EFHC2: variants seen among roughly 807,000 people sequenced by gnomAD.
The protein encoded by EFHC2 is EF-hand domain-containing family member C2.
A neutral mutation model predicts 52.7 loss-of-function variants in EFHC2; 18 were observed. The ratio of observed to expected loss-of-function variants is 0.34; its 90% CI spans 0.24 to 0.51. The LOEUF is 0.51. EFHC2 is among the 20% of genes least tolerant of loss of function. EFHC2 has a pLI of 0.97. For synonymous variants in EFHC2, 203 were observed against 204.1 expected, an observed-to-expected ratio of 0.99 and a Z score of 0.04; for missense variants, 513 against 562.5, an observed-to-expected ratio of 0.91 and a Z score of 0.89.
intron 11 of EFHC2, among the ~76,000 whole-genome samples, chrX:44,179,040 TA>T (rs1419692326): frequency 1.9e-5 from 2 of 104,930 alleles, no homozygotes; most frequent in Non-Finnish European, 3.9e-5. Context: ...TAATAAAAAG[TA>T]AAACTGGACA....
At chrX:44,249,446 GT>G (rs377376546) in intron 5 of EFHC2, among the ~76,000 whole-genome samples, 39 of 102,567 alleles carry the variant, frequency 3.8e-4, no homozygotes, top group East Asian at 9.0e-4. Context: ...TGTTTTTTTG[GT>G]TTTTTTTTTT....
chrX:44,242,073 A>C, intron 8 of EFHC2, 48 bp downstream of exon 8: 1 of 1,128,636 alleles, frequency 8.9e-7, no homozygotes, highest in Non-Finnish European at 1.2e-6. Flanking sequence ...TATAAACCCC[A>C]AACACATTTG....
rs190551788 is a variant in EFHC2 at position 44,234,084 on chromosome X, T to C, written c.1423+1221A>G. Among the ~76,000 whole-genome samples the C allele has an allele frequency of 4.5e-5, 5 of 112,042 alleles. No homozygotes were observed. In the Admixed American group the frequency reaches 4.7e-4, roughly 11 times the overall value. ...GCCTCTTCTGGCTCCTTCCACATTT[T>C]CCCTCACCAGCATTCCCCCTATTAA... On this transcript the variant is annotated intron_variant, in intron 9 of 14. Transcript: ENST00000420999.
At chrX:44,196,383 TCTTA>T (rs1165127992) in intron 11 of EFHC2, among the ~76,000 whole-genome samples, 1 of 112,286 alleles carries the variant, frequency 8.9e-6, no homozygotes, top group Non-Finnish European at 1.9e-5. Context: ...CCCTGTTCTT[TCTTA>T]CTTATATTTT....
At position 44,248,876 on chromosome X, in the gene EFHC2, T is replaced by C; in HGVS notation, c.899A>G (p.Asp300Gly). The C allele has an allele frequency of 8.3e-7, 1 of 1,208,847 alleles. No individual in the cohort carries two copies. The highest frequency in any genetic ancestry group is 1.1e-6 in the Non-Finnish European group (1 of 894,300). Residue 300 changes from aspartate to glycine, a missense_variant, in exon 6 of 15, where the codon GAT becomes GGT. Transcript: ENST00000420999. ...ACCATATGAATTGAGAACTGCTCGA[T>C]CTGTTATCTGGCCTGGTTGATAGAC... ...PRVYQPGQITDRAVLNSYGDF... is the reference protein window; with the variant it reads ...PRVYQPGQITGRAVLNSYGDF...
At chrX:44,180,403 G>A (rs1196348846) in intron 11 of EFHC2, among the ~76,000 whole-genome samples, 2 of 112,241 alleles carry the variant, frequency 1.8e-5, no homozygotes, top group African/African-American at 6.5e-5. Flanking sequence ...TCAAGAAACA[G>A]TCATGCCATG....
chrX:44,289,799 A>G (rs1331287943), intron 2 of EFHC2, among the ~76,000 whole-genome samples: 2 of 103,072 alleles, frequency 1.9e-5, no homozygotes, highest in Non-Finnish European at 3.9e-5. Flanking sequence ...CTCCTGCCTC[A>G]GCCTCCCGAA....
intron 11 of EFHC2, among the ~76,000 whole-genome samples, chrX:44,180,719 C>G (rs2036827429): frequency 9.5e-6 from 1 of 104,951 alleles, no homozygotes; most frequent in South Asian, 4.3e-4. Flanking sequence ...GCCTGGGTGA[C>G]AGAGTGAGAC....
intron 11 of EFHC2, among the ~76,000 whole-genome samples, chrX:44,199,281 C>A (rs1276024284): frequency 1.8e-5 from 2 of 113,128 alleles, no homozygotes; most frequent in Non-Finnish European, 3.7e-5. Context: ...AATATGCCAG[C>A]TCCCCACTTT....
chrX:44,240,987 C>G (rs2037355299), intron 8 of EFHC2, among the ~76,000 whole-genome samples: 1 of 112,123 alleles, frequency 8.9e-6, no homozygotes, highest in Non-Finnish European at 1.9e-5. Context: ...ATTTTTACCA[C>G]TTTTATAGAT....
chrX:44,242,364 A>G, intron 7 of EFHC2, 75 bp from the exon 8 acceptor site: 1 of 1,066,805 alleles, frequency 9.4e-7, no homozygotes, highest in South Asian at 2.2e-5. Context: ...AAGGTTTGTT[A>G]TGTTTTCAAG....
At chrX:44,279,349 TA>T (rs952858380) in intron 2 of EFHC2, among the ~76,000 whole-genome samples, 12 of 110,191 alleles carry the variant, frequency 1.1e-4, no homozygotes, top group Non-Finnish European at 1.5e-4. Context: ...CTCAAAACAA[TA>T]AACAAAAGGT....
At position 44,206,310 on chromosome X, in the gene EFHC2, T is replaced by G. The variant is rs962976580; in HGVS notation, c.1751+23339A>C. On this transcript the variant is annotated intron_variant, in intron 11 of 14. Coordinates refer to ENST00000420999, the MANE Select transcript of EFHC2 (RefSeq NM_025184.4). The stretch of plus-strand genomic sequence containing the variant: ...CCTAATAACTGCAACAAGACAAGTA[T>G]GTCCGCTCTCTCCACTTCTATTCAA... Among the ~76,000 whole-genome samples, 6 of 111,744 alleles carry G rather than the reference T, an allele frequency of 5.4e-5. No individual in the cohort carries two copies. In the Admixed American group the frequency reaches 5.7e-4, roughly 11 times the overall value.
chrX:44,210,124 T>C (rs745516357), intron 11 of EFHC2, among the ~76,000 whole-genome samples: 36 of 111,514 alleles, frequency 3.2e-4, no homozygotes, highest in African/African-American at 1.2e-3. Flanking sequence ...ATGGAGAAAC[T>C]GTCTTTCATG....
chrX:44,323,442 TG>T (rs2038034530), intron 1 of EFHC2, among the ~76,000 whole-genome samples: 2 of 112,135 alleles, frequency 1.8e-5, no homozygotes, highest in African/African-American at 6.5e-5. Context: ...GAAAAAATCA[TG>T]TAGAATTTGA....
chrX:44,241,464 C>A (rs1273905505), intron 8 of EFHC2, among the ~76,000 whole-genome samples: 1 of 112,185 alleles, frequency 8.9e-6, no homozygotes, highest in Non-Finnish European at 1.9e-5. Context: ...CTTTTAAAAA[C>A]ACGTATAAAT....
chrX:44,236,954 C>T (rs1221223400), intron 8 of EFHC2, among the ~76,000 whole-genome samples: 1 of 111,583 alleles, frequency 9.0e-6, no homozygotes, highest in East Asian at 2.8e-4. Context: ...GTAAATTTAA[C>T]TTCTTATAAT....
intron 13 of EFHC2, 82 bp downstream of exon 13, chrX:44,176,210 A>T: frequency 1.3e-6 from 1 of 762,861 alleles, no homozygotes; most frequent in Non-Finnish European, 1.9e-6. Context: ...AAGGGTAATT[A>T]AAGGGAGATG....
At chrX:44,280,359 A>G (rs1031126433) in intron 2 of EFHC2, among the ~76,000 whole-genome samples, 4 of 111,784 alleles carry the variant, frequency 3.6e-5, no homozygotes, top group African/African-American at 1.3e-4. Flanking sequence ...TACCACATAC[A>G]TTTTTAAATG....
Sources: allele counts gnomAD v4.1 joint callset (sites outside exome capture counted in the v4.1 genomes callset), GRCh38; gene constraint gnomAD v4.1.1; transcripts MANE v1.5; gene names NCBI Gene and HGNC (gene_info 2026-07-23, HGNC 2026-07-21).